CYRIB: variants seen among roughly 807,000 people sequenced by gnomAD.
CYRIB encodes the protein CYFIP-related Rac1 interactor B.
In CYRIB, 8 loss-of-function variants were observed where a neutral mutation model predicts 44.2. The ratio of observed to expected loss-of-function variants is 0.18; its 90% CI spans 0.11 to 0.33. CYRIB has a LOEUF of 0.33. CYRIB is among the 10% of genes least tolerant of loss of function. The pLI is 1.00. For synonymous variants in CYRIB, 131 were observed against 127.2 expected (o/e 1.03, Z -0.20); for missense variants, 185 against 382.8 (o/e 0.48, Z 4.31).
At chr8:129,903,207 T>C (rs977496733) in intron 2 of CYRIB, 105 bp downstream of exon 4, 1 of 152,554 alleles carries the variant, frequency 6.6e-6, no homozygotes, top group Non-Finnish European at 1.5e-5. Flanking sequence ...CAATATTGTG[T>C]ATAGAACATT....
At chr8:129,919,180 T>C (rs560157635) in intron 1 of CYRIB, among the ~76,000 whole-genome samples, 4 of 152,192 alleles carry the variant, frequency 2.6e-5, no homozygotes, top group Non-Finnish European at 2.9e-5. Context: ...CAGATAGATA[T>C]AGTTTTTCTG....
intron 2 of CYRIB, among the ~76,000 whole-genome samples, chr8:129,899,695 A>T (rs1380983036): frequency 1.3e-5 from 2 of 152,220 alleles, no homozygotes. Context: ...ATATTCAGGG[A>T]GGTAAAGGAA....
intron 1 of CYRIB, among the ~76,000 whole-genome samples, chr8:130,011,424 G>A (rs563448904): frequency 6.6e-6 from 1 of 152,210 alleles, no homozygotes; most frequent in African/African-American, 2.4e-5. Context: ...GGGAGGCTGG[G>A]GCAGGAGAAT....
chr8:129,977,186 T>G (rs976556504), intron 1 of CYRIB, among the ~76,000 whole-genome samples: 1 of 152,178 alleles, frequency 6.6e-6, no homozygotes, highest in Non-Finnish European at 1.5e-5. Flanking sequence ...TGTCTTGCCT[T>G]GCTGGCACAA....
At chr8:129,890,166 G>C (rs1461721783) in intron 2 of CYRIB, among the ~76,000 whole-genome samples, 1 of 152,226 alleles carries the variant, frequency 6.6e-6, no homozygotes, top group Admixed American at 6.5e-5. Context: ...ATAAGCACTG[G>C]CAAGGTCTGA....
intron 3 of CYRIB, among the ~76,000 whole-genome samples, chr8:129,875,976 T>C (rs1459534845): frequency 6.6e-6 from 1 of 152,044 alleles, no homozygotes; most frequent in East Asian, 1.9e-4. Context: ...TAGCTGGGTG[T>C]GGTGCTGCAT....
At position 129,893,168 on chromosome 8, in the gene CYRIB, T is replaced by C. The variant is rs1273034041; in HGVS notation, c.-11+10144A>G. ...TTTCTAATACACATGCTACAACGCA[T>C]GGATGATCAGTTTTTTAAAATGTAT... On this transcript the variant is annotated intron_variant, in intron 2 of 11. Transcript: ENST00000519824. Among the ~76,000 whole-genome samples the C allele has an allele frequency of 2.6e-5, 4 of 152,354 alleles. No homozygotes were observed. The East Asian group carries it at 7.7e-4, about 29-fold the overall frequency.
chr8:129,972,888 A>C (rs1288179152), intron 1 of CYRIB, among the ~76,000 whole-genome samples: 2 of 152,208 alleles, frequency 1.3e-5, no homozygotes, highest in Non-Finnish European at 2.9e-5. Context: ...ATAGGCAGAA[A>C]GCCTGGACTA....
chr8:129,930,379 A>ATATATATATATATATATATATATATATT (rs971468534), intron 1 of CYRIB, among the ~76,000 whole-genome samples: 5 of 130,122 alleles, frequency 3.8e-5, no homozygotes, highest in Admixed American at 7.6e-5. Flanking sequence ...ATATATATAT[A>ATATATATATATATATATATATATATATT]TTTTAATTAT....
At chr8:129,879,082 C>T (rs915473586) in intron 3 of CYRIB, among the ~76,000 whole-genome samples, 6 of 151,968 alleles carry the variant, frequency 3.9e-5, no homozygotes, top group Admixed American at 3.3e-4. Context: ...TGAGGTAGTA[C>T]TTGTCCTTTC....
chr8:129,859,341 T>G (rs777916931), intron 5 of CYRIB, among the ~76,000 whole-genome samples: 2 of 152,162 alleles, frequency 1.3e-5, no homozygotes, highest in Non-Finnish European at 2.9e-5. Context: ...AAAGGCGGAC[T>G]AGGAGCGCGA....
At chr8:130,016,374 C>A (rs1416052093) in exon 1 of CYRIB, 1 of 148,376 alleles carries the variant, frequency 6.7e-6, no homozygotes, top group Non-Finnish European at 1.5e-5. Flanking sequence ...ACGTACCTGG[C>A]GGCCCGGGCG....
At chr8:129,876,316 G>C (rs763314910) in intron 3 of CYRIB, among the ~76,000 whole-genome samples, 1 of 152,136 alleles carries the variant, frequency 6.6e-6, no homozygotes, top group Non-Finnish European at 1.5e-5. Context: ...GCTGCAGTGA[G>C]CTGAGATCAT....
At chr8:129,987,577 T>C (rs966806359) in intron 1 of CYRIB, among the ~76,000 whole-genome samples, 9 of 148,074 alleles carry the variant, frequency 6.1e-5, no homozygotes, top group African/African-American at 2.2e-4. Flanking sequence ...TCTTTTTTTT[T>C]TTTTTTTTAT....
intron 2 of CYRIB, among the ~76,000 whole-genome samples, chr8:129,895,957 A>AT (rs1035716619): frequency 3.4e-4 from 51 of 151,998 alleles, no homozygotes; most frequent in African/African-American, 1.1e-3. Flanking sequence ...CTGACCTGTA[A>AT]TTTTTTTCTC....
chr8:129,905,199 C>CTGGA (rs2074589776), intron 1 of CYRIB, among the ~76,000 whole-genome samples: 2 of 127,408 alleles, frequency 1.6e-5, no homozygotes, highest in South Asian at 5.7e-4. Context: ...GTCACCCAGG[C>CTGGA]TGGATTGATT....
chr8:130,004,282 T>C (rs2096979884), intron 1 of CYRIB, among the ~76,000 whole-genome samples: 1 of 152,156 alleles, frequency 6.6e-6, no homozygotes, highest in Admixed American at 6.5e-5. Flanking sequence ...TTTTATTTTT[T>C]GTTTAGAGAC....
chr8:130,004,407 C>T (rs916998425), intron 1 of CYRIB: 12 of 152,068 alleles, frequency 7.9e-5, no homozygotes, highest in African/African-American at 2.4e-4. Flanking sequence ...GCCATACCCT[C>T]GTTTCACTGA....
intron 1 of CYRIB, among the ~76,000 whole-genome samples, chr8:129,922,690 T>C (rs940808526): frequency 1.4e-4 from 21 of 150,488 alleles, no homozygotes; most frequent in Admixed American, 3.3e-4. Context: ...GGTGAACTCC[T>C]GTCTCAACTA....
Sources: gnomAD v4.1 joint callset for allele counts (sites outside exome capture counted in the v4.1 genomes callset) on GRCh38, gnomAD v4.1.1 for gene constraint, MANE v1.5 for transcripts, NCBI Gene and HGNC (gene_info 2026-07-23, HGNC 2026-07-21) for gene names.